DECR2: variants seen among roughly 807,000 people sequenced by gnomAD.
The protein encoded by DECR2 is 2,4-dienoyl-CoA reductase 2.
A neutral mutation model predicts 29.2 loss-of-function variants in DECR2; 34 were observed. That is an observed-to-expected ratio of 1.16 (90% confidence interval 0.89 to 1.55). The LOEUF (loss-of-function observed/expected upper bound fraction) is 1.55. Among genes scored for constraint, DECR2 ranks in the 40% most tolerant of loss-of-function variants. The pLI, the probability that DECR2 is intolerant of heterozygous loss-of-function variation, is 0.00. For missense variants in DECR2, 485 were observed against 425.3 expected (o/e 1.14, Z -1.23); for synonymous variants, 224 against 182.7 (o/e 1.23, Z -1.82).
Position 401,923 on chromosome 16 carries a change from C to G in DECR2, c.-41C>G, listed in dbSNP as rs757445116. 3.4e-6 allele frequency: 5 copies of G among 1,467,304 alleles called. No homozygotes were observed. Among genetic ancestry groups the G allele is most frequent in the Non-Finnish European group, 4.5e-6 (5 of 1,114,920 alleles). 90.9% of individuals were successfully genotyped at this position (1,467,304 alleles called of 1,614,324 possible). A position where few individuals can be genotyped will look rare whatever the true frequency, so the allele number is the denominator to read the frequency against. ...CGCGCCGGGTCCTGGAGGCCGAGGCCGCTCCCGCCCGTTGTCCCCGCAGTC... is the reference window on the plus strand; with the variant it reads ...CGCGCCGGGTCCTGGAGGCCGAGGCGGCTCCCGCCCGTTGTCCCCGCAGTC... On this transcript the variant is annotated 5_prime_UTR_variant, in exon 1 of 9. Coordinates refer to ENST00000219481, the MANE Select transcript of DECR2 (RefSeq NM_020664.4).
rs1326281369 is a variant in DECR2, at chr16:410,765, C to T, written c.537C>T (p.Gly179=). 1 of 1,602,444 alleles carries T rather than the reference C, an allele frequency of 6.2e-7. No homozygotes were observed. The highest frequency in any genetic ancestry group is 1.7e-5 in the Admixed American group (1 of 58,658). The change falls in exon 6 of 9, where the codon GGC becomes GGT. Residue 179 remains glycine, a synonymous_variant. Coordinates refer to ENST00000219481, the MANE Select transcript of DECR2 (RefSeq NM_020664.4). The surrounding 1 kb of genome is among the most constrained non-coding windows in gnomAD (Gnocchi z 4.1). The stretch of plus-strand genomic sequence containing the variant: ...GGCAGGCGCTCCAGGTGCATGCAGG[C>T]TCCGCCAAGGCCGCTGTGGGTATGA... ...NRGQALQVHA[G]SAKAAVDAMT... is the part of the protein sequence containing the mutation.
Position 411,885 on chromosome 16 carries a change from T to G in DECR2, c.*1-5T>G, listed in dbSNP as rs1331031459. On this transcript the variant is annotated splice_region_variant and splice_polypyrimidine_tract_variant and intron_variant, in intron 8 of 8. Transcript: ENST00000219481. ...GCCGGCTACTAAGTTCTGAAACTCC[T>G]GCAGGAATCTTCCGGCCGCTGCTTC... 2.7e-6 allele frequency: 1 copy of G among 376,538 alleles called. No homozygotes were observed. The highest frequency in any genetic ancestry group is 4.8e-6 in the Non-Finnish European group (1 of 209,522). The allele number at this position is 376,538 out of a possible 1,614,324, so 23.3% of individuals were successfully genotyped here. A position where few individuals can be genotyped will look rare whatever the true frequency, so the allele number is the denominator to read the frequency against.
intron 1 of DECR2, 32 bp downstream of exon 1, chr16:402,075 T>C: frequency 7.6e-7 from 1 of 1,323,288 alleles, no homozygotes; most frequent in Admixed American, 3.9e-5. Context: ...AGCGCAGCCT[T>C]GGTGCGGGGT....
At chr16:408,556 C>T (rs4984874) in intron 4 of DECR2, among the ~76,000 whole-genome samples, 87,994 of 149,490 alleles carry the variant, frequency 0.59, 27,341 homozygotes, top group African/African-American at 0.8. Flanking sequence ...CTCACTCTGT[C>T]ACCCAGGCTG....
At position 409,876 on chromosome 16, in the gene DECR2, G is replaced by A. The variant is rs1000941534; in HGVS notation, c.338-367G>A. On this transcript the variant is annotated intron_variant, in intron 4 of 8. Transcript: ENST00000219481. ...CTGTCTGCCACTGTCTTCCCGTGGC[G>A]TGTGTCTGTGTGTCCTCTTCCCTTG... 13 of 219,798 alleles carry A rather than the reference G, an allele frequency of 5.9e-5. No individual in the cohort carries two copies. The South Asian group carries it at 9.4e-4, about 16-fold the overall frequency. The allele number at this position is 219,798 out of a possible 1,614,324, so 13.6% of individuals were successfully genotyped here. A position where few individuals can be genotyped will look rare whatever the true frequency, so the allele number is the denominator to read the frequency against.
chr16:407,510 C>T lies in DECR2; in HGVS notation c.287C>T (p.Ala96Val). The T allele has an allele frequency of 6.2e-7, 1 of 1,614,004 alleles. No individual in the cohort carries two copies. Among genetic ancestry groups the T allele is most frequent in the Non-Finnish European group, 8.5e-7 (1 of 1,179,930 alleles). Reference sequence around the variant, plus strand: ...CGAGCGCCCCCAGCTGTCATGGCCGCCGTGGACCAGGCTCTGAAGGAGTTT... The same window carrying T: ...CGAGCGCCCCCAGCTGTCATGGCCGTCGTGGACCAGGCTCTGAAGGAGTTT... ...DVRAPPAVMA[A>V]VDQALKEFGR... is the part of the protein sequence containing the mutation. Residue 96 changes from alanine to valine, a missense_variant, in exon 4 of 9, where the codon GCC (alanine) becomes GTC (valine). Ala to Val is a moderately conservative substitution (Grantham distance 64, BLOSUM62 0). Coordinates refer to ENST00000219481, the MANE Select transcript of DECR2 (RefSeq NM_020664.4).
intron 3 of DECR2, chr16:407,006 T>G: frequency 9.7e-7 from 1 of 1,029,536 alleles, no homozygotes; most frequent in Non-Finnish European, 1.2e-6. Context: ...AGTTATTGGG[T>G]TCTGGGAGGG....
At position 411,095 on chromosome 16, in the gene DECR2, C is replaced by T. The variant is rs772097736; in HGVS notation, c.661+19C>T. 7 of 1,486,862 alleles carry T rather than the reference C, an allele frequency of 4.7e-6. No homozygotes were observed. The highest frequency in any genetic ancestry group is 6.2e-6 in the Non-Finnish European group (7 of 1,121,144). The allele number at this position is 1,486,862 out of a possible 1,614,324, so 92.1% of individuals were successfully genotyped here. On this transcript the variant is annotated intron_variant, in intron 7 of 8. Coordinates refer to ENST00000219481, the MANE Select transcript of DECR2 (RefSeq NM_020664.4). ...CGACTGGGTAAGGCTCTCAGGGAGC[C>T]CAGGCCTCCCACAGATCCTCTCCTG...
chr16:407,721 GCTCCGGCCCCCTGT>G (rs1312615462), intron 4 of DECR2, 161 bp downstream of exon 4: 15 of 1,194,024 alleles, frequency 1.3e-5, no homozygotes, highest in African/African-American at 7.7e-5. Context: ...CAAGACTCAG[GCTCCGGCCCCCTGT>G]CTCCGGCCCC....
chr16:411,211 T>G (rs1283406080), intron 7 of DECR2, 135 bp downstream of exon 7: 1 of 1,170,400 alleles, frequency 8.5e-7, no homozygotes, highest in Non-Finnish European at 1.2e-6. Context: ...CTATGTTCTG[T>G]GCCTGGCCTG....
At chr16:408,536 T>C (rs1166754337) in intron 4 of DECR2, among the ~76,000 whole-genome samples, 2 of 149,706 alleles carry the variant, frequency 1.3e-5, no homozygotes, top group East Asian at 1.9e-4. Flanking sequence ...TTTTTTTTTT[T>C]AGACAGCATC....
In DECR2 at chr16:411,034, G is replaced by A. The variant is rs768033482; in HGVS notation, c.619G>A (p.Ala207Thr). The change falls in exon 7 of 9, where the codon GCC becomes ACC. Residue 207 changes from alanine (A) to threonine (T), a missense_variant. Ala to Thr is a moderately conservative substitution (Grantham distance 58). Coordinates refer to ENST00000219481, the MANE Select transcript of DECR2 (RefSeq NM_020664.4). ...GPQNIRVNSL[A>T]PGPISGTEGL... ...CCAAAACATCCGCGTCAACAGCCTC[G>A]CCCCTGGCCCCATCAGTGGCACAGA... The A allele has an allele frequency of 6.4e-5, 102 of 1,589,128 alleles. No homozygotes were observed. The highest frequency in any genetic ancestry group is 1.7e-4 in the Middle Eastern group (1 of 6,010).
Position 412,057 on chromosome 16 carries a change from G to A in DECR2, c.*168G>A. ...GCAGGAGCAACTGGACAGTGGGCCTGGCCCGTGGAGCTGCCACGCAGGTGC... is the reference window on the plus strand; with the variant it reads ...GCAGGAGCAACTGGACAGTGGGCCTAGCCCGTGGAGCTGCCACGCAGGTGC... On this transcript the variant is annotated 3_prime_UTR_variant, in exon 9 of 9. Coordinates refer to ENST00000219481, the MANE Select transcript of DECR2 (RefSeq NM_020664.4). The A allele has an allele frequency of 1.3e-5, 2 of 157,438 alleles. No individual in the cohort carries two copies. Among genetic ancestry groups the A allele is most frequent in the African/African-American group, 4.8e-5 (2 of 41,698 alleles). The allele number at this position is 157,438 out of a possible 1,614,324, so 9.8% of individuals were successfully genotyped here.
rs745338566 is a variant in DECR2, at chr16:410,349, CTA to C, written c.446_447del (p.Tyr149Ter). 4 of 1,610,180 alleles carry C rather than the reference CTA, an allele frequency of 2.5e-6. No individual in the cohort carries two copies. In the Admixed American group the frequency reaches 6.7e-5, roughly 27 times the overall value. On this transcript the variant is annotated frameshift_variant, in exon 5 of 9. Transcript: ENST00000219481. LOFTEE classifies it high-confidence loss of function. This position sits in a 1 kb window ranked among gnomAD's most constrained non-coding sequence, Gnocchi z 4.1. ...SGTFNVSRVL[Y>X]EKFFRDHGGV... ...GCACCTTCAATGTGTCTCGTGTGCT[CTA>C]TGAGAAGTTCTTCCGGGTGGGTGCC...
chr16:411,191 A>G (rs576730413), intron 7 of DECR2, 115 bp downstream of exon 7: 99 of 1,227,660 alleles, frequency 8.1e-5, no homozygotes, highest in Admixed American at 2.8e-5. Flanking sequence ...TGCTGGTTCC[A>G]TGGTGGCAAC....
chr16:404,137 C>T (rs1414212143), intron 1 of DECR2, among the ~76,000 whole-genome samples: 1 of 151,926 alleles, frequency 6.6e-6, no homozygotes, highest in African/African-American at 2.4e-5. Context: ...CATGCCACTG[C>T]ACTCCAGCCT....
intron 4 of DECR2, chr16:409,886 GT>G: frequency 4.0e-6 from 1 of 248,474 alleles, no homozygotes; most frequent in African/African-American, 2.2e-5. Flanking sequence ...GTGTGTCTGT[GT>G]GTCCTCTTCC....
At chr16:403,635 C>A (rs961295051) in intron 1 of DECR2, among the ~76,000 whole-genome samples, 7 of 152,178 alleles carry the variant, frequency 4.6e-5, no homozygotes, top group African/African-American at 1.7e-4. Context: ...AATACCCTTT[C>A]CCCCACTGCA....
Position 407,815 on chromosome 16 carries a change from G to C in DECR2, c.337+255G>C, listed in dbSNP as rs190201062. Among the ~76,000 whole-genome samples the C allele has an allele frequency of 1.6e-4, 19 of 118,866 alleles. 2 individuals are homozygous for C. Among genetic ancestry groups the C allele is most frequent in the East Asian group, 2.7e-4 (1 of 3,708 alleles). 78.0% of individuals were successfully genotyped at this position (118,866 alleles called of 152,430 possible). ...CTCCGGGCTCTGTCTCCGGGCCTCT[G>C]TCTTCGGCCGCATCTCCGGCCCCCT... On this transcript the variant is annotated intron_variant, in intron 4 of 8. Transcript: ENST00000219481.
Sources: gnomAD v4.1 joint callset for allele counts (sites outside exome capture counted in the v4.1 genomes callset) on GRCh38, gnomAD v4.1.1 for gene constraint, Gnocchi (gnomAD v3.1) non-coding constraint, MANE v1.5 for transcripts, NCBI Gene and HGNC (gene_info 2026-07-23, HGNC 2026-07-21) for gene names.